FBXL6: variants seen among roughly 807,000 people sequenced by gnomAD.
The protein encoded by FBXL6 is F-box/LRR-repeat protein 6.
A neutral mutation model predicts 53.3 loss-of-function variants in FBXL6; 50 were observed. The ratio of observed to expected loss-of-function variants is 0.94; its 90% CI spans 0.75 to 1.19. FBXL6 has a LOEUF of 1.19. FBXL6 is among the 50% of genes most tolerant of loss of function. The probability of loss-of-function intolerance (pLI) is 0.00; values close to 1 mark genes in which losing one functional copy is unlikely to be tolerated. For synonymous variants in FBXL6, 405 were observed against 322.9 expected (o/e 1.25, Z -2.73); for missense variants, 815 against 719.0 (o/e 1.13, Z -1.53).
In FBXL6 at chr8:144,356,406, G is replaced by A. The variant is rs369789488; in HGVS notation, c.1119C>T (p.Asn373=). The change falls in exon 7 of 9, where the codon AAC becomes AAT. Residue 373 remains asparagine, a synonymous_variant. Transcript: ENST00000331890. ...CGTGGAGTAGGCGGCCCAGGACCTC[G>A]TTGCTCACAAAGTTGCAGGTTGAGC... ...LASSTCNFVS[N]EVLGRLLHGS... 5.0e-6 allele frequency: 8 copies of A among 1,612,540 alleles called. No homozygotes were observed. The highest frequency in any genetic ancestry group is 3.3e-5 in the South Asian group (3 of 91,094).
In FBXL6 at chr8:144,358,358, C is replaced by T; in HGVS notation, c.90G>A (p.Leu30=). Residue 30 remains leucine, a synonymous_variant, in exon 1 of 9, where the codon CTG becomes CTA. Transcript: ENST00000331890. ...RSAEDWWWDR[L]APRGSGYHLL... is the part of the protein sequence containing the mutation. ...GGTGGTACCCCGAGCCCCTCGGCGC[C>T]AGCCGGTCCCACCACCAGTCCTCGG... 2 of 1,270,226 alleles carry T rather than the reference C, an allele frequency of 1.6e-6. No individual in the cohort carries two copies. Among genetic ancestry groups the T allele is most frequent in the Non-Finnish European group, 2.0e-6 (2 of 1,009,320 alleles). The allele number at this position is 1,270,226 out of a possible 1,614,324, so 78.7% of individuals were successfully genotyped here.
Position 144,357,828 on chromosome 8 carries a change from C to T in FBXL6, c.417-42G>A, listed in dbSNP as rs1818535102. 6 of 1,463,336 alleles carry T rather than the reference C, an allele frequency of 4.1e-6. No homozygotes were observed. In the East Asian group the frequency reaches 9.9e-5, roughly 24 times the overall value. The allele number at this position is 1,463,336 out of a possible 1,614,324, so 90.6% of individuals were successfully genotyped here. On this transcript the variant is annotated intron_variant, in intron 1 of 8. Transcript: ENST00000331890. ...CTGAGGGTGCCGGCCCCTCCGTAGG[C>T]GATGCCCCCCTCTCGCAGCGCAGTA...
chr8:144,356,025 T>G lies in FBXL6; in HGVS notation c.1415A>C (p.His472Pro), dbSNP rs540769017. Residue 472 changes from histidine to proline, a missense_variant, in exon 8 of 9, where the codon CAC (histidine) becomes CCC (proline). Physicochemically the swap from His to Pro is moderately conservative, Grantham distance 77. Transcript: ENST00000331890. ...GAGGTTAAGAGAGCACAGGGCTGGG[T>G]GTGAGCCCCCAGGGGTGCTTAAGAA... ...AAFLSTPGGS[H>P]PALCSLNLRG... is the part of the protein sequence containing the mutation. The G allele has an allele frequency of 1.2e-6, 2 of 1,612,966 alleles. No individual in the cohort carries two copies. The highest frequency in any genetic ancestry group is 1.3e-5 in the African/African-American group (1 of 75,012).
rs185753888 is a variant in FBXL6, at chr8:144,356,708, G to A, written c.885C>T (p.Ser295=). ...CCAGGACCTGGAGCTGGGGGCAGCA[G>A]CTGCCCTGCAGAGATGGGGGGAGGG... ...TTAILGALLG[S]CCPQLQVLEV... The change falls in exon 6 of 9, where the codon AGC becomes AGT. Residue 295 remains serine (S), a synonymous_variant. Coordinates refer to ENST00000331890, the MANE Select transcript of FBXL6 (RefSeq NM_012162.4). 6.8e-6 allele frequency: 11 copies of A among 1,612,174 alleles called. No individual in the cohort carries two copies. In the African/African-American group the frequency reaches 1.2e-4, roughly 18 times the overall value.
rs782037257 is a variant in FBXL6, at chr8:144,356,371, T to C, written c.1154A>G (p.Asn385Ser). Residue 385 changes from asparagine (N) to serine (S), a missense_variant, in exon 7 of 9, where the codon AAC (asparagine) becomes AGC (serine). Asn to Ser is a conservative substitution (Grantham distance 46). Transcript: ENST00000331890. ...VLGRLLHGSP[N>S]LRLLDLRGCA... ...GCCACGAAGATCCAGTAAGCGCAGG[T>C]TGGGAGAGCCGTGGAGTAGGCGGCC... 8.4e-6 allele frequency: 11 copies of C among 1,316,672 alleles called. No homozygotes were observed. Among genetic ancestry groups the C allele is most frequent in the East Asian group, 1.1e-4 (2 of 18,112 alleles). The allele number at this position is 1,316,672 out of a possible 1,614,324, so 81.6% of individuals were successfully genotyped here.
Position 144,358,410 on chromosome 8 carries a change from G to T in FBXL6, c.38C>A (p.Ala13Asp). ...APASRQVRRR[A>D]RAAPRPRSAE... ...CGAGCGGGGCCGCGGCGCTGCCCGGGCTCTGCGTCGGACCTGCCGGGAGGC... is the reference window on the plus strand; with the variant it reads ...CGAGCGGGGCCGCGGCGCTGCCCGGTCTCTGCGTCGGACCTGCCGGGAGGC... Residue 13 changes from alanine (A) to aspartate (D), a missense_variant, in exon 1 of 9, where the codon GCC becomes GAC. By Grantham distance (126) the Ala-to-Asp change is moderately radical. Coordinates refer to ENST00000331890, the MANE Select transcript of FBXL6 (RefSeq NM_012162.4). 8.0e-7 allele frequency: 1 copy of T among 1,247,812 alleles called. No individual in the cohort carries two copies. The highest frequency in any genetic ancestry group is 1.0e-6 in the Non-Finnish European group (1 of 996,794). 77.3% of individuals were successfully genotyped at this position (1,247,812 alleles called of 1,614,324 possible).
chr8:144,357,220 T>A (rs1387463018), intron 3 of FBXL6, 99 bp from the exon 4 acceptor site: 2 of 1,508,928 alleles, frequency 1.3e-6, no homozygotes, highest in African/African-American at 2.7e-5. Flanking sequence ...CTCTACCGCC[T>A]TAGCTGTGAC....
chr8:144,357,968 C>G, intron 1 of FBXL6, 64 bp downstream of exon 1: 1 of 1,503,962 alleles, frequency 6.6e-7, no homozygotes, highest in Non-Finnish European at 8.8e-7. Flanking sequence ...CCGCCCGGGC[C>G]ACCGCTCGGA....
At chr8:144,355,735 G>A (rs1818372273) in intron 8 of FBXL6, 57 bp from the exon 9 acceptor site, 5 of 1,592,886 alleles carry the variant, frequency 3.1e-6, no homozygotes, top group Non-Finnish European at 4.3e-6. Context: ...GGCTGGGCCA[G>A]GCTAGGGAGC....
intron 1 of FBXL6, 31 bp downstream of exon 1, chr8:144,358,001 C>T (rs781873755): frequency 1.3e-6 from 2 of 1,570,122 alleles, no homozygotes; most frequent in South Asian, 1.1e-5. Context: ...CAAGCCGCTA[C>T]GCTCGGCGGC....
In FBXL6 at chr8:144,358,287, G is replaced by A; in HGVS notation, c.161C>T (p.Pro54Leu). ...GCGCCGCTGTGCGCGGGGCCGGGCGGGGCCGGGTTCGGACAGCACCAGCAG... is the reference window on the plus strand; with the variant it reads ...GCGCCGCTGTGCGCGGGGCCGGGCGAGGCCGGGTTCGGACAGCACCAGCAG... The part of the protein sequence containing the change: ...SMLLVLSEPG[P>L]ARPRAQRRAS... Residue 54 changes from proline to leucine, a missense_variant, in exon 1 of 9, where the codon CCC becomes CTC. By Grantham distance (98) the Pro-to-Leu change is moderately conservative (BLOSUM62 -3). Coordinates refer to ENST00000331890, the MANE Select transcript of FBXL6 (RefSeq NM_012162.4). 1 of 1,239,774 alleles carries A rather than the reference G, an allele frequency of 8.1e-7. No individual in the cohort carries two copies. Among genetic ancestry groups the A allele is most frequent in the South Asian group, 3.9e-5 (1 of 25,590 alleles). The allele number at this position is 1,239,774 out of a possible 1,614,324, so 76.8% of individuals were successfully genotyped here.
At position 144,356,727 on chromosome 8, in the gene FBXL6, G is replaced by A. The variant is rs1270297370; in HGVS notation, c.880-14C>T. On this transcript the variant is annotated splice_polypyrimidine_tract_variant and intron_variant, in intron 5 of 8. Transcript: ENST00000331890. ...GCAGCAGCTGCCCTGCAGAGATGGG[G>A]GGAGGGGGTAGGTCACAGGGTCAGT... is the stretch of plus-strand genomic sequence containing the variant. 11 of 1,611,190 alleles carry A rather than the reference G, an allele frequency of 6.8e-6. No individual in the cohort carries two copies. The highest frequency in any genetic ancestry group is 1.3e-5 in the African/African-American group (1 of 74,896).
At chr8:144,355,737 C>A in intron 8 of FBXL6, 59 bp from the exon 9 acceptor site, 1 of 1,590,366 alleles carries the variant, frequency 6.3e-7, no homozygotes, top group South Asian at 1.1e-5. Context: ...CTGGGCCAGG[C>A]TAGGGAGCTG....
rs1586541064 is a variant in FBXL6, at chr8:144,356,493, A to C, written c.1032T>G (p.Pro344=). ...RLLNLMWLPK[P]PGRGVAPGPG... ...GTCCGGGAGCCACCCCTCGTCCCGGAGGCTTGGGCAGCCACATCAGGTTCA... is the reference window on the plus strand; with the variant it reads ...GTCCGGGAGCCACCCCTCGTCCCGGCGGCTTGGGCAGCCACATCAGGTTCA... The change falls in exon 7 of 9, where the codon CCT becomes CCG. Residue 344 remains proline, a synonymous_variant. Coordinates refer to ENST00000331890, the MANE Select transcript of FBXL6 (RefSeq NM_012162.4). 6.2e-7 allele frequency: 1 copy of C among 1,612,898 alleles called. No individual in the cohort carries two copies. The highest frequency in any genetic ancestry group is 8.5e-7 in the Non-Finnish European group (1 of 1,179,976).
chr8:144,356,708 G>C lies in FBXL6; in HGVS notation c.885C>G (p.Ser295Arg). 6.2e-7 allele frequency: 1 copy of C among 1,612,174 alleles called. No individual in the cohort carries two copies. The highest frequency in any genetic ancestry group is 8.5e-7 in the Non-Finnish European group (1 of 1,179,880). ...TTAILGALLG[S>R]CCPQLQVLEV... ...CCAGGACCTGGAGCTGGGGGCAGCAGCTGCCCTGCAGAGATGGGGGGAGGG... is the reference window on the plus strand; with the variant it reads ...CCAGGACCTGGAGCTGGGGGCAGCACCTGCCCTGCAGAGATGGGGGGAGGG... Residue 295 changes from serine to arginine, a missense_variant, in exon 6 of 9, where the codon AGC becomes AGG. Ser to Arg is a moderately radical substitution (Grantham distance 110). Transcript: ENST00000331890.
chr8:144,356,382 G>T lies in FBXL6; in HGVS notation c.1143C>A (p.His381Gln). ...VSNEVLGRLL[H>Q]GSPNLRLLDL... The stretch of plus-strand genomic sequence containing the variant: ...CCAGTAAGCGCAGGTTGGGAGAGCC[G>T]TGGAGTAGGCGGCCCAGGACCTCGT... Residue 381 changes from histidine (H) to glutamine (Q), a missense_variant, in exon 7 of 9, where the codon CAC (histidine) becomes CAA (glutamine). Transcript: ENST00000331890. The T allele has an allele frequency of 6.2e-7, 1 of 1,613,146 alleles. No homozygotes were observed. Among genetic ancestry groups the T allele is most frequent in the Non-Finnish European group, 8.5e-7 (1 of 1,180,048 alleles).
Position 144,356,327 on chromosome 8 carries a change from C to G in FBXL6, c.1198G>C (p.Ala400Pro). The G allele has an allele frequency of 1.9e-6, 2 of 1,053,148 alleles. No individual in the cohort carries two copies. The highest frequency in any genetic ancestry group is 2.4e-6 in the Non-Finnish European group (2 of 825,200). 65.2% of individuals were successfully genotyped at this position (1,053,148 alleles called of 1,614,324 possible). The change falls in exon 7 of 9, where the codon GCT (alanine) becomes CCT (proline). Residue 400 changes from alanine (A) to proline (P), a missense_variant. By Grantham distance (27) the Ala-to-Pro change is conservative. Transcript: ENST00000331890. ...DLRGCARITP[A>P]GLQDLPCREL... ...CGACATGGCAGATCCTGAAGGCCAG[C>G]CGGCGTGATGCGCGCACAGCCACGA... is the stretch of plus-strand genomic sequence containing the variant.
intron 3 of FBXL6, 71 bp downstream of exon 3, chr8:144,357,368 A>G (rs1310574211): frequency 1.7e-5 from 26 of 1,496,272 alleles, no homozygotes; most frequent in Non-Finnish European, 2.4e-5. Flanking sequence ...AAGGTGCCTG[A>G]CCCACTTCCT....
intron 1 of FBXL6, 41 bp downstream of exon 1, chr8:144,357,991 C>T: frequency 6.4e-7 from 1 of 1,563,686 alleles, no homozygotes; most frequent in East Asian, 2.4e-5. Flanking sequence ...ACGTCTGGCC[C>T]AAGCCGCTAC....
Sources: allele counts gnomAD v4.1 joint callset, GRCh38; gene constraint gnomAD v4.1.1; transcripts MANE v1.5; gene names NCBI Gene and HGNC (gene_info 2026-07-23, HGNC 2026-07-21).